The following PHF24 variants were observed in gnomAD, a reference collection of about 807,000 sequenced individuals.
PHF24 encodes Galpha inhibitory interacting protein.
PHF24 carries 25 observed loss-of-function variants against 42.6 expected under a neutral mutation model. The ratio of observed to expected loss-of-function variants is 0.59; its 90% CI spans 0.43 to 0.82. The LOEUF (loss-of-function observed/expected upper bound fraction) is 0.82, where lower values mean the gene tolerates loss of function less well. Among genes scored for constraint, PHF24 ranks in the 40% least tolerant of loss-of-function variants. The pLI, the probability that PHF24 is intolerant of heterozygous loss-of-function variation, is 0.00. For synonymous variants in PHF24, 185 were observed against 204.8 expected (o/e 0.90, Z 0.83); for missense variants, 470 against 538.1 (o/e 0.87, Z 1.25).
At chr9:34,766,520 C>G in the PHF24 span, among the ~76,000 whole-genome samples, 2 of 152,216 alleles carry the variant, frequency 1.3e-5, no homozygotes, top group Non-Finnish European at 2.9e-5. Context: ...GCATTCTTCA[C>G]ATAGTTCTCG....
the PHF24 span, among the ~76,000 whole-genome samples, chr9:34,905,595 G>C: frequency 6.6e-6 from 1 of 152,044 alleles, no homozygotes; most frequent in Non-Finnish European, 1.5e-5. Flanking sequence ...GATTATTTTT[G>C]GCTGAAGTGA....
chr9:34,800,113 C>T, the PHF24 span, among the ~76,000 whole-genome samples: 3 of 152,038 alleles, frequency 2.0e-5, no homozygotes, highest in African/African-American at 7.2e-5. Flanking sequence ...CACAATTACA[C>T]TTGTACCTTA....
chr9:34,876,350 C>A, the PHF24 span, among the ~76,000 whole-genome samples: 3,813 of 152,132 alleles, frequency 0.025, 142 homozygotes, highest in African/African-American at 0.087. Flanking sequence ...CATGAAAAGA[C>A]ATGGAAGAAC....
chr9:34,974,469 T>C (rs982440330), intron 3 of PHF24, among the ~76,000 whole-genome samples: 1 of 152,230 alleles, frequency 6.6e-6, no homozygotes, highest in African/African-American at 2.4e-5. Context: ...CCCACCTCAG[T>C]GGTGTAACCA....
chr9:34,777,526 G>C, the PHF24 span, among the ~76,000 whole-genome samples: 545 of 152,282 alleles, frequency 3.6e-3, 1 homozygote, highest in African/African-American at 0.012. Flanking sequence ...GGGTGGTGCT[G>C]CCCTCAGTGG....
chr9:34,953,941 A>G (rs996142335), upstream of PHF24, among the ~76,000 whole-genome samples: 4 of 152,056 alleles, frequency 2.6e-5, no homozygotes, highest in Admixed American at 6.6e-5. This position sits in a 1 kb window ranked among gnomAD's most constrained non-coding sequence, Gnocchi z 4.1. Context: ...GTCTCTTAAA[A>G]CAAACAAACA....
At chr9:34,892,740 AAGAC>A in the PHF24 span, 2 of 463,356 alleles carry the variant, frequency 4.3e-6, no homozygotes, top group East Asian at 6.4e-5. Flanking sequence ...TCAAAGTTTG[AAGAC>A]AGAGATCCCA....
chr9:34,876,578 G>A, the PHF24 span, among the ~76,000 whole-genome samples: 1 of 152,086 alleles, frequency 6.6e-6, no homozygotes, highest in African/African-American at 2.4e-5. Context: ...ATAAGCACAT[G>A]AAAAGATGCT....
At chr9:34,838,388 G>A in the PHF24 span, 1 of 1,072,850 alleles carries the variant, frequency 9.3e-7, no homozygotes. Flanking sequence ...TTCAATTCAT[G>A]GTGGCTCCTT....
chr9:34,783,262 C>T, the PHF24 span, among the ~76,000 whole-genome samples: 1 of 152,162 alleles, frequency 6.6e-6, no homozygotes, highest in African/African-American at 2.4e-5. Context: ...TACACTGCGC[C>T]ATCTTATCCA....
the PHF24 span, among the ~76,000 whole-genome samples, chr9:34,732,071 G>A: frequency 4.7e-5 from 7 of 147,958 alleles, no homozygotes; most frequent in Non-Finnish European, 7.4e-5. Flanking sequence ...TTTATTGCCC[G>A]TGTTGGTCTT....
chr9:34,735,882 A>T, the PHF24 span, among the ~76,000 whole-genome samples: 2 of 152,132 alleles, frequency 1.3e-5, no homozygotes, highest in African/African-American at 4.8e-5. Flanking sequence ...AGAAAGAGAA[A>T]CTTAAGGAAC....
the PHF24 span, among the ~76,000 whole-genome samples, chr9:34,828,869 T>C: frequency 2.2e-5 from 3 of 138,278 alleles, no homozygotes; most frequent in Admixed American, 2.2e-4. Context: ...GATCTCTTCA[T>C]TTACACTTAG....
the PHF24 span, among the ~76,000 whole-genome samples, chr9:34,912,567 C>A: frequency 6.6e-6 from 1 of 152,084 alleles, no homozygotes; most frequent in South Asian, 2.1e-4. Context: ...TGCCATATAG[C>A]CCATCACCTA....
At chr9:34,710,075 T>C in the PHF24 span, 4 of 1,612,794 alleles carry the variant, frequency 2.5e-6, no homozygotes, top group Non-Finnish European at 3.4e-6. Flanking sequence ...ATGTCTGTGG[T>C]AGAGGGTGAG....
the PHF24 span, among the ~76,000 whole-genome samples, chr9:34,711,977 C>G: frequency 6.6e-6 from 1 of 152,056 alleles, no homozygotes. Flanking sequence ...TTCTTTCTCC[C>G]GTTAGCTTTT....
chr9:34,812,773 A>G, the PHF24 span, among the ~76,000 whole-genome samples: 1 of 152,226 alleles, frequency 6.6e-6, no homozygotes, highest in South Asian at 2.1e-4. Context: ...GCATTTATTC[A>G]GTGACTCGTG....
the PHF24 span, among the ~76,000 whole-genome samples, chr9:34,710,875 G>T: frequency 5.3e-5 from 8 of 152,234 alleles, no homozygotes; most frequent in African/African-American, 1.4e-4. Context: ...TCCTGCCTTG[G>T]CCACCCAAAG....
the PHF24 span, among the ~76,000 whole-genome samples, chr9:34,813,881 C>CT: frequency 3.9e-5 from 4 of 103,806 alleles, no homozygotes; most frequent in Admixed American, 4.1e-4. Context: ...ATGTTAGAGA[C>CT]CGTCCCCACC....
Sources: allele counts gnomAD v4.1 joint callset (sites outside exome capture counted in the v4.1 genomes callset), GRCh38; gene constraint gnomAD v4.1.1; non-coding constraint Gnocchi (gnomAD v3.1); transcripts MANE v1.5; gene names NCBI Gene and HGNC (gene_info 2026-07-23, HGNC 2026-07-21).